VRK2: variants seen among roughly 807,000 people sequenced by gnomAD.
The protein encoded by VRK2 is VRK serine/threonine kinase 2, also known as serine/threonine-protein kinase VRK2.
VRK2 carries 60 observed loss-of-function variants against 57.6 expected under a neutral mutation model. That is an observed-to-expected ratio of 1.04 (90% confidence interval 0.85 to 1.29). VRK2 has a LOEUF of 1.29. Ranked by LOEUF, VRK2 falls within the 50% of genes most tolerant of loss-of-function variation. The pLI is 0.00. For synonymous variants in VRK2, 231 were observed against 199.2 expected (o/e 1.16, Z -1.35); for missense variants, 705 against 588.1 (o/e 1.20, Z -2.06).
chr2:58,018,875 T>G (rs190312149), intron 1 of VRK2, among the ~76,000 whole-genome samples: 341 of 152,314 alleles, frequency 2.2e-3, no homozygotes, highest in Middle Eastern at 3.4e-3. Flanking sequence ...CCCCAGGACC[T>G]CAGCACTTCC....
At position 58,041,077 on chromosome 2, in the gene VRK2, GA is replaced by G. The variant is rs1300870785; in HGVS notation, c.-6+7529del. ...TACTGCAGGGATGTTAACTGGGGGG[GA>G]AAAAGGATGTAGAGTGTAAATATAG... On this transcript the variant is annotated intron_variant, in intron 3 of 15. Coordinates refer to the VRK2 transcript ENST00000417641. 36 of 984,704 alleles carry G rather than the reference GA, an allele frequency of 3.7e-5. 1 individual carries two copies. In the East Asian group the frequency reaches 7.9e-4, roughly 22 times the overall value. 61.0% of individuals were successfully genotyped at this position (984,704 alleles called of 1,614,324 possible).
intron 2 of VRK2, among the ~76,000 whole-genome samples, chr2:58,078,485 C>T (rs957440706): frequency 6.6e-6 from 1 of 151,954 alleles, no homozygotes; most frequent in Admixed American, 6.6e-5. Flanking sequence ...TCTTCAGGAT[C>T]TTACTTTTAA....
chr2:58,050,509 C>T (rs1478824706), intron 2 of VRK2, among the ~76,000 whole-genome samples: 1 of 152,184 alleles, frequency 6.6e-6, no homozygotes, highest in East Asian at 1.9e-4. Flanking sequence ...TCTGATGTGG[C>T]TGAGCTATAG....
intron 7 of VRK2, among the ~76,000 whole-genome samples, chr2:58,110,670 T>C (rs2104408196): frequency 6.6e-6 from 1 of 152,274 alleles, no homozygotes; most frequent in South Asian, 2.1e-4. Flanking sequence ...GCAGGAAATC[T>C]AATGCCCATG....
intron 1 of VRK2, among the ~76,000 whole-genome samples, chr2:58,001,592 C>A (rs1472797527): frequency 6.6e-6 from 1 of 152,072 alleles, no homozygotes; most frequent in African/African-American, 2.4e-5. Context: ...GAGGACAAGG[C>A]GGGCTGATCA....
chr2:57,907,888 T>C (rs867740), intron 1 of VRK2: 46,198 of 152,128 alleles, frequency 0.3, 8,225 homozygotes, highest in East Asian at 0.41. Context: ...TTTCTTTTTC[T>C]GTGCTATGCC....
intron 1 of VRK2, among the ~76,000 whole-genome samples, chr2:57,970,089 T>C (rs752060726): frequency 1.0e-4 from 15 of 150,140 alleles, no homozygotes; most frequent in Non-Finnish European, 1.9e-4. Flanking sequence ...ATAAAATGTA[T>C]ATATATATTT....
intron 1 of VRK2, among the ~76,000 whole-genome samples, chr2:58,002,849 C>T (rs899314611): frequency 4.6e-5 from 7 of 152,308 alleles, no homozygotes; most frequent in Non-Finnish European, 7.4e-5. Context: ...AAGCATGCTT[C>T]ATTTTGTGTT....
chr2:58,147,920 C>G (rs1161001028), intron 12 of VRK2, among the ~76,000 whole-genome samples: 2 of 151,138 alleles, frequency 1.3e-5, no homozygotes, highest in East Asian at 3.9e-4. Context: ...CATTGTGTAA[C>G]TACATCATAA....
rs764928026 is a variant in VRK2 at position 57,960,006 on chromosome 2, G to GGT, written c.-439+52181_-439+52182dup. Reference sequence around the variant, plus strand: ...TGAGAAATTGGGATGTGTGTGCATGGGTGTGTGTGTGTGTGAATTAGATGT... The same window carrying GGT: ...TGAGAAATTGGGATGTGTGTGCATGGGTGTGTGTGTGTGTGTGAATTAGATGT... On this transcript the variant is annotated intron_variant, in intron 1 of 15. Coordinates refer to the VRK2 transcript ENST00000417641. Among the ~76,000 whole-genome samples the GGT allele has an allele frequency of 2.9e-4, 42 of 147,002 alleles. 1 individual carries two copies. In the Middle Eastern group the frequency reaches 0.024, roughly 85 times the overall value.
chr2:58,049,055 G>A, intron 2 of VRK2, 88 bp downstream of exon 2: 1 of 1,436,874 alleles, frequency 7.0e-7, no homozygotes, highest in Non-Finnish European at 9.4e-7. Context: ...TGGAAATATG[G>A]AATTCATATG....
intron 12 of VRK2, among the ~76,000 whole-genome samples, chr2:58,154,160 A>C (rs1266520198): frequency 6.6e-6 from 1 of 151,920 alleles, no homozygotes; most frequent in African/African-American, 2.4e-5. Context: ...TTCTTCCCAG[A>C]TACTGGTAGT....
At chr2:57,917,275 A>C (rs1670188184) in intron 1 of VRK2, among the ~76,000 whole-genome samples, 1 of 152,022 alleles carries the variant, frequency 6.6e-6, no homozygotes, top group Admixed American at 6.6e-5. Context: ...CTCTCACTTG[A>C]TCAGCCTTTA....
intron 10 of VRK2, among the ~76,000 whole-genome samples, chr2:58,136,050 T>C (rs779549862): frequency 2.0e-5 from 3 of 152,200 alleles, no homozygotes; most frequent in Non-Finnish European, 4.4e-5. Flanking sequence ...TAAGGTCTAA[T>C]AGCATCTGTT....
intron 1 of VRK2, among the ~76,000 whole-genome samples, chr2:58,000,848 TAATACA>T (rs781322209): frequency 2.6e-5 from 4 of 152,226 alleles, no homozygotes; most frequent in Non-Finnish European, 4.4e-5. Flanking sequence ...TAGATAGTAA[TAATACA>T]AATAGAAATT....
chr2:58,052,591 A>G (rs1675912353), intron 2 of VRK2, among the ~76,000 whole-genome samples: 2 of 146,148 alleles, frequency 1.4e-5, no homozygotes, highest in South Asian at 4.3e-4. Context: ...TGACGGAGTG[A>G]GACTGTCTCA....
chr2:57,928,526 T>C (rs549810012), intron 1 of VRK2, among the ~76,000 whole-genome samples: 136 of 152,298 alleles, frequency 8.9e-4, no homozygotes, highest in Admixed American at 2.2e-3. Flanking sequence ...CTCTCCAGGA[T>C]TGGTCCTTGC....
intron 3 of VRK2, among the ~76,000 whole-genome samples, chr2:58,038,543 G>A (rs570684369): frequency 1.3e-5 from 2 of 152,196 alleles, no homozygotes; most frequent in Admixed American, 6.5e-5. Flanking sequence ...AGTCCCGAGT[G>A]TAGGATAATT....
intron 1 of VRK2, among the ~76,000 whole-genome samples, chr2:57,926,837 G>A (rs1670555012): frequency 6.6e-6 from 1 of 151,482 alleles, no homozygotes; most frequent in Non-Finnish European, 1.5e-5. Context: ...TTTGATTAGA[G>A]TGTTTAGTTT....
Sources: allele counts gnomAD v4.1 joint callset (sites outside exome capture counted in the v4.1 genomes callset), GRCh38; gene constraint gnomAD v4.1.1; transcripts MANE v1.5; gene names NCBI Gene and HGNC (gene_info 2026-07-23, HGNC 2026-07-21).